The following PKP1 variants were observed in gnomAD, a reference collection of about 807,000 sequenced individuals.
The protein encoded by PKP1 is plakophilin-1.
PKP1 carries 27 observed loss-of-function variants against 76.4 expected under a neutral mutation model. The observed-to-expected ratio is 0.35, with a 90% confidence interval of 0.26 to 0.49. The LOEUF (loss-of-function observed/expected upper bound fraction) is 0.49. Among genes scored for constraint, PKP1 ranks in the 20% least tolerant of loss-of-function variants. The probability of loss-of-function intolerance (pLI) is 0.99; values close to 1 mark genes in which losing one functional copy is unlikely to be tolerated. For synonymous variants in PKP1, 404 were observed against 384.2 expected (o/e 1.05, Z -0.60); for missense variants, 964 against 955.2 (o/e 1.01, Z -0.12).
At chr1:201,312,474 C>T (rs1656584418) in intron 2 of PKP1, among the ~76,000 whole-genome samples, 1 of 152,180 alleles carries the variant, frequency 6.6e-6, no homozygotes, top group African/African-American at 2.4e-5. Flanking sequence ...CCTCCAACTC[C>T]CCCTCCTGGA....
chr1:201,303,772 T>A (rs1252916339), intron 2 of PKP1, among the ~76,000 whole-genome samples: 2 of 152,182 alleles, frequency 1.3e-5, no homozygotes, highest in East Asian at 3.9e-4. Context: ...TGTCCTTGAT[T>A]TCCCTGGAGT....
intron 2 of PKP1, among the ~76,000 whole-genome samples, chr1:201,305,612 A>G (rs949540911): frequency 4.6e-5 from 7 of 152,160 alleles, no homozygotes; most frequent in Non-Finnish European, 7.4e-5. Context: ...CCTGCCCTTC[A>G]GGATGCTGCC....
rs1479324565 is a variant in PKP1, at chr1:201,317,568, G to A, written c.847-4G>A. 1 of 1,613,274 alleles carries A rather than the reference G, an allele frequency of 6.2e-7. No homozygotes were observed. The highest frequency in any genetic ancestry group is 8.5e-7 in the Non-Finnish European group (1 of 1,179,364). The stretch of plus-strand genomic sequence containing the variant: ...CAGGCAGCGTGGCAACTCTTTCCTG[G>A]CAGGTCTATCAGCTGGGAGGCATCT... On this transcript the variant is annotated splice_region_variant and splice_polypyrimidine_tract_variant and intron_variant, in intron 4 of 13. Coordinates refer to ENST00000367324, the MANE Select transcript of PKP1 (RefSeq NM_001005337.3).
intron 2 of PKP1, among the ~76,000 whole-genome samples, chr1:201,294,928 G>T (rs1314344488): frequency 6.6e-6 from 1 of 152,250 alleles, no homozygotes; most frequent in Non-Finnish European, 1.5e-5. Context: ...TACCGGGCTA[G>T]ATGACACCCA....
At chr1:201,322,406 GTCTT>G (rs2102183256) in intron 8 of PKP1, among the ~76,000 whole-genome samples, 1 of 152,302 alleles carries the variant, frequency 6.6e-6, no homozygotes, top group African/African-American at 2.4e-5. Flanking sequence ...GCAGGCCTTG[GTCTT>G]TCTTCCTGTA....
chr1:201,323,833 A>G (rs1165164712), intron 9 of PKP1, among the ~76,000 whole-genome samples: 2 of 152,116 alleles, frequency 1.3e-5, no homozygotes, highest in African/African-American at 4.8e-5. Context: ...GAGAATGCCA[A>G]ACCCACCTAG....
chr1:201,299,955 G>A (rs1006713761), intron 2 of PKP1, among the ~76,000 whole-genome samples: 3 of 152,254 alleles, frequency 2.0e-5, no homozygotes, highest in Admixed American at 6.5e-5. Context: ...GTGAGGGACT[G>A]ATAGTAGACC....
At chr1:201,317,336 C>A (rs1458424601) in intron 4 of PKP1, among the ~76,000 whole-genome samples, 2 of 152,172 alleles carry the variant, frequency 1.3e-5, no homozygotes, top group African/African-American at 2.4e-5. Context: ...AGCTGAGGTT[C>A]TCCCAGCTAG....
intron 10 of PKP1, among the ~76,000 whole-genome samples, 164 bp from the exon 11 acceptor site, chr1:201,324,777 A>G (rs1403162954): frequency 2.6e-5 from 4 of 152,154 alleles, no homozygotes; most frequent in Admixed American, 1.3e-4. Flanking sequence ...CAAAAGTCCT[A>G]TCTGGGTCTC....
intron 1 of PKP1, among the ~76,000 whole-genome samples, chr1:201,293,538 G>A (rs1366132535): frequency 1.3e-5 from 2 of 152,150 alleles, no homozygotes; most frequent in Non-Finnish European, 2.9e-5. Context: ...TGGGAATGTC[G>A]GAATCCTGCC....
At chr1:201,284,687 G>A (rs1168085792) in intron 1 of PKP1, among the ~76,000 whole-genome samples, 2 of 152,224 alleles carry the variant, frequency 1.3e-5, no homozygotes, top group Non-Finnish European at 2.9e-5. Context: ...AGCCAATGCA[G>A]AAATCCTCTT....
chr1:201,319,723 G>A, intron 6 of PKP1: 1 of 1,281,718 alleles, frequency 7.8e-7, no homozygotes, highest in Non-Finnish European at 1.1e-6. Context: ...GCAGAACACA[G>A]CTTGGGTGGA....
chr1:201,312,029 C>A (rs832150), intron 2 of PKP1, among the ~76,000 whole-genome samples: 30,573 of 152,102 alleles, frequency 0.2, 3,115 homozygotes, highest in East Asian at 0.23. Context: ...GTTTTTGTGC[C>A]GGATTGAGCC....
rs79830395 is a variant in PKP1, at chr1:201,290,692, C to T, written c.203-3250C>T. Among the ~76,000 whole-genome samples, 176 of 152,284 alleles carry T rather than the reference C, an allele frequency of 1.2e-3. 3 individuals carry two copies. The East Asian group carries it at 0.023, about 20-fold the overall frequency. On this transcript the variant is annotated intron_variant, in intron 1 of 13. Transcript: ENST00000367324. ...TGGGCAAGGGAGAAGAGGTCATTGA[C>T]GCAAAGAGCCAGCTCAAGCCAGTCA...
intron 2 of PKP1, among the ~76,000 whole-genome samples, chr1:201,301,320 A>T (rs1656221949): frequency 6.6e-6 from 1 of 152,224 alleles, no homozygotes; most frequent in African/African-American, 2.4e-5. Context: ...TGCGATCAGC[A>T]GCGGATCCTT....
chr1:201,318,890 C>A, intron 6 of PKP1, 95 bp downstream of exon 6: 1 of 1,033,420 alleles, frequency 9.7e-7, no homozygotes, highest in Non-Finnish European at 1.5e-6. Flanking sequence ...GTGCATAGAA[C>A]ATAACAGACA....
At chr1:201,326,342 GC>G (rs1215716516) in intron 12 of PKP1, among the ~76,000 whole-genome samples, 3 of 152,264 alleles carry the variant, frequency 2.0e-5, no homozygotes, top group African/African-American at 7.2e-5. Flanking sequence ...GGGCTGAGAA[GC>G]CTGGAGGCTG....
intron 1 of PKP1, among the ~76,000 whole-genome samples, chr1:201,290,116 A>T (rs928888612): frequency 5.9e-5 from 9 of 152,182 alleles, no homozygotes; most frequent in African/African-American, 2.2e-4. Flanking sequence ...TCGTTGTCTA[A>T]GGCACCAAAG....
chr1:201,309,395 G>A (rs1396409523), intron 2 of PKP1, among the ~76,000 whole-genome samples: 1 of 152,064 alleles, frequency 6.6e-6, no homozygotes, highest in Non-Finnish European at 1.5e-5. Context: ...CCCCTCAAAA[G>A]CCCCACTGGT....
Sources: gnomAD v4.1 joint callset for allele counts (sites outside exome capture counted in the v4.1 genomes callset) on GRCh38, gnomAD v4.1.1 for gene constraint, MANE v1.5 for transcripts, NCBI Gene and HGNC (gene_info 2026-07-23, HGNC 2026-07-21) for gene names.